The following CLEC6A variants were observed in gnomAD, a reference collection of about 807,000 sequenced individuals.
CLEC6A encodes C-type lectin domain family 6 member A.
A neutral mutation model predicts 25.7 loss-of-function variants in CLEC6A; 22 were observed. The ratio of observed to expected loss-of-function variants is 0.85; its 90% CI spans 0.61 to 1.22. The LOEUF (loss-of-function observed/expected upper bound fraction) is 1.22. CLEC6A is among the 50% of genes most tolerant of loss of function. The probability of loss-of-function intolerance (pLI) is 0.00; values close to 1 mark genes in which losing one functional copy is unlikely to be tolerated. For synonymous variants in CLEC6A, 92 were observed against 76.7 expected (o/e 1.20, Z -1.04); for missense variants, 240 against 236.8 (o/e 1.01, Z -0.09).
chr12:8,470,186 C>T (rs774204798), intron 4 of CLEC6A, among the ~76,000 whole-genome samples: 5 of 152,136 alleles, frequency 3.3e-5, no homozygotes, highest in African/African-American at 1.2e-4. Flanking sequence ...TGAAAAAATG[C>T]TCAACATCAC....
intron 3 of CLEC6A, chr12:8,461,332 T>C (rs773716045): frequency 1.2e-5 from 6 of 493,308 alleles, no homozygotes; most frequent in Admixed American, 3.3e-5. Flanking sequence ...GTAAAGTGCA[T>C]AGTTTTCTTC....
intron 1 of CLEC6A, 58 bp downstream of exon 1, chr12:8,456,200 T>C: frequency 6.5e-7 from 1 of 1,528,592 alleles, no homozygotes; most frequent in South Asian, 1.1e-5. Context: ...TGAGATCACC[T>C]GGAGAGAAGA....
chr12:8,473,542 G>GTACATAC (rs1341993367), intron 4 of CLEC6A, among the ~76,000 whole-genome samples: 1 of 152,082 alleles, frequency 6.6e-6, no homozygotes, highest in Admixed American at 6.6e-5. Context: ...GAACATATGA[G>GTACATAC]TACATACTTT....
chr12:8,466,577 A>G (rs1477719737), intron 4 of CLEC6A, among the ~76,000 whole-genome samples: 1 of 151,892 alleles, frequency 6.6e-6, no homozygotes, highest in East Asian at 1.9e-4. Context: ...AATAGTGACA[A>G]TCCTAATGGA....
intron 5 of CLEC6A, among the ~76,000 whole-genome samples, chr12:8,476,857 A>T (rs1473461610): frequency 6.6e-6 from 1 of 152,074 alleles, no homozygotes; most frequent in African/African-American, 2.4e-5. Context: ...CCAACCTCCC[A>T]GTCTTTACCC....
At chr12:8,461,611 A>G (rs1274649419) in intron 3 of CLEC6A, among the ~76,000 whole-genome samples, 1 of 152,244 alleles carries the variant, frequency 6.6e-6, no homozygotes, top group Non-Finnish European at 1.5e-5. Flanking sequence ...ATTTTGTATA[A>G]TACCATGTCA....
Position 8,477,453 on chromosome 12 carries a change from A to G in CLEC6A, c.619A>G (p.Ile207Val), listed in dbSNP as rs1420596215. The change falls in exon 6 of 6, where the codon ATT (isoleucine) becomes GTT (valine). Residue 207 changes from isoleucine (I) to valine (V), a missense_variant. Physicochemically the swap from Ile to Val is conservative, Grantham distance 29. Transcript: ENST00000382073. ...RRNSICEMNK[I>V]YL Reference sequence around the variant, plus strand: ...GAATTCAATATGTGAGATGAATAAGATTTACCTATGAGTAGAAGCTTAATT... The same window carrying G: ...GAATTCAATATGTGAGATGAATAAGGTTTACCTATGAGTAGAAGCTTAATT... The G allele has an allele frequency of 6.2e-7, 1 of 1,605,972 alleles. No homozygotes were observed. Among genetic ancestry groups the G allele is most frequent in the East Asian group, 2.2e-5 (1 of 44,614 alleles).
chr12:8,462,479 A>T (rs1344379744), intron 3 of CLEC6A, among the ~76,000 whole-genome samples: 4 of 142,974 alleles, frequency 2.8e-5, no homozygotes, highest in South Asian at 5.0e-4. Flanking sequence ...ACCCGATTGT[A>T]TGTTCCATCT....
chr12:8,475,217 A>G (rs1470238858), intron 4 of CLEC6A, among the ~76,000 whole-genome samples: 1 of 152,100 alleles, frequency 6.6e-6, no homozygotes, highest in African/African-American at 2.4e-5. Flanking sequence ...TCAGGGGAGT[A>G]GAGAAACAAA....
At chr12:8,463,087 AC>A (rs1939784554) in intron 3 of CLEC6A, among the ~76,000 whole-genome samples, 1 of 150,796 alleles carries the variant, frequency 6.6e-6, no homozygotes, top group Admixed American at 6.7e-5. Flanking sequence ...GTATTGTTTA[AC>A]AGTTGGATGT....
chr12:8,464,987 A>T (rs1213617109), intron 3 of CLEC6A, among the ~76,000 whole-genome samples: 2 of 152,146 alleles, frequency 1.3e-5, no homozygotes, highest in Admixed American at 1.3e-4. Flanking sequence ...TTAGAGATGG[A>T]ATCATTGAGG....
chr12:8,477,177 G>A, intron 5 of CLEC6A, 143 bp from the exon 6 acceptor site: 1 of 631,448 alleles, frequency 1.6e-6, no homozygotes, highest in Non-Finnish European at 2.6e-6. Context: ...GAGGATTTGA[G>A]GAGAGTAGTA....
At chr12:8,467,395 T>G in intron 4 of CLEC6A, among the ~76,000 whole-genome samples, 1 of 152,216 alleles carries the variant, frequency 6.6e-6, no homozygotes, top group Non-Finnish European at 1.5e-5. Context: ...TTCAACTTGA[T>G]TATTTTGCCT....
At chr12:8,477,214 G>A in intron 5 of CLEC6A, 106 bp from the exon 6 acceptor site, 1 of 819,052 alleles carries the variant, frequency 1.2e-6, no homozygotes, top group Non-Finnish European at 1.9e-6. Context: ...TCATTGGAAT[G>A]TTCTCTCTTC....
At chr12:8,473,917 G>A (rs1939938816) in intron 4 of CLEC6A, among the ~76,000 whole-genome samples, 1 of 151,908 alleles carries the variant, frequency 6.6e-6, no homozygotes, top group Non-Finnish European at 1.5e-5. Context: ...TTTTTTAATG[G>A]GGTTGTTTGT....
Position 8,477,820 on chromosome 12 carries a change from C to A in CLEC6A, c.*356C>A, listed in dbSNP as rs754512811. On this transcript the variant is annotated 3_prime_UTR_variant, in exon 6 of 6. Coordinates refer to ENST00000382073, the MANE Select transcript of CLEC6A (RefSeq NM_001007033.2). ...AGTATCTTTTGAAAATTATGACTTT[C>A]CTTCCTCAATATACCATAAAGAAAT... is the stretch of plus-strand genomic sequence containing the variant. The A allele has an allele frequency of 6.3e-6, 1 of 157,576 alleles. No individual in the cohort carries two copies. Among genetic ancestry groups the A allele is most frequent in the East Asian group, 1.9e-4 (1 of 5,378 alleles). 9.8% of individuals were successfully genotyped at this position (157,576 alleles called of 1,614,324 possible).
chr12:8,474,306 G>A (rs1331273880), intron 4 of CLEC6A, among the ~76,000 whole-genome samples: 1 of 152,130 alleles, frequency 6.6e-6, no homozygotes, highest in Non-Finnish European at 1.5e-5. Flanking sequence ...CAGCTATCCA[G>A]CACCATTTAT....
intron 5 of CLEC6A, among the ~76,000 whole-genome samples, chr12:8,476,653 T>A (rs773773711): frequency 2.0e-5 from 3 of 152,212 alleles, no homozygotes; most frequent in African/African-American, 7.2e-5. Context: ...ACTATTTACT[T>A]GTGGCTTTAA....
chr12:8,465,418 G>A (rs1050331449), intron 3 of CLEC6A, 66 bp from the exon 4 acceptor site: 1 of 1,489,162 alleles, frequency 6.7e-7, no homozygotes. Context: ...CAAAGCAATT[G>A]CAGATCATTA....
Sources: gnomAD v4.1 joint callset for allele counts (sites outside exome capture counted in the v4.1 genomes callset) on GRCh38, gnomAD v4.1.1 for gene constraint, MANE v1.5 for transcripts, NCBI Gene and HGNC (gene_info 2026-07-23, HGNC 2026-07-21) for gene names.